CPPED1: variants seen among roughly 807,000 people sequenced by gnomAD.
CPPED1 encodes serine/threonine-protein phosphatase CPPED1.
In CPPED1, 28 loss-of-function variants were observed where a neutral mutation model predicts 28.0. That is an observed-to-expected ratio of 1.00 (90% confidence interval 0.74 to 1.37). CPPED1 has a LOEUF of 1.37. Ranked by LOEUF, CPPED1 falls within the 40% of genes most tolerant of loss-of-function variation. The probability of loss-of-function intolerance (pLI) is 0.00; values close to 1 mark genes in which losing one functional copy is unlikely to be tolerated. For missense variants in CPPED1, 504 were observed against 416.5 expected, an observed-to-expected ratio of 1.21 and a Z score of -1.83; for synonymous variants, 198 against 180.2, an observed-to-expected ratio of 1.10 and a Z score of -0.79.
At chr16:12,707,543 T>C (rs2141188964) in intron 2 of CPPED1, among the ~76,000 whole-genome samples, 1 of 152,290 alleles carries the variant, frequency 6.6e-6, no homozygotes, top group East Asian at 1.9e-4. Context: ...GAGCATCTCC[T>C]GTTCTTGATT....
chr16:12,732,475 A>AACACACACACAC (rs199927875), intron 2 of CPPED1, among the ~76,000 whole-genome samples: 3 of 142,346 alleles, frequency 2.1e-5, no homozygotes, highest in African/African-American at 5.4e-5. Context: ...CAAACACACA[A>AACACACACACAC]ACACACACAC....
At chr16:12,792,937 C>T (rs900134340) in intron 1 of CPPED1, among the ~76,000 whole-genome samples, 15 of 152,034 alleles carry the variant, frequency 9.9e-5, no homozygotes, top group African/African-American at 3.6e-4. Context: ...AGTACACTTC[C>T]CCTCCTCTTT....
At chr16:12,674,557 C>A (rs546343045) in intron 3 of CPPED1, among the ~76,000 whole-genome samples, 1 of 152,194 alleles carries the variant, frequency 6.6e-6, no homozygotes, top group South Asian at 2.1e-4. Flanking sequence ...TGAAAGGAGG[C>A]GGGGCCTGGA....
At chr16:12,748,121 C>A (rs2080302998) in intron 2 of CPPED1, among the ~76,000 whole-genome samples, 1 of 152,134 alleles carries the variant, frequency 6.6e-6, no homozygotes, top group Non-Finnish European at 1.5e-5. Flanking sequence ...GTGATTATTC[C>A]AGAATCTCTT....
chr16:12,688,244 C>T (rs2079943633), intron 3 of CPPED1, among the ~76,000 whole-genome samples: 1 of 151,618 alleles, frequency 6.6e-6, no homozygotes, highest in South Asian at 2.1e-4. Context: ...AAGCAAAGTA[C>T]TTGCACATCT....
At position 12,682,832 on chromosome 16, in the gene CPPED1, G is replaced by A. The variant is rs749351212; in HGVS notation, c.716-17717C>T. On this transcript the variant is annotated intron_variant, in intron 3 of 3. Coordinates refer to ENST00000381774, the MANE Select transcript of CPPED1 (RefSeq NM_018340.3). This position sits in a 1 kb window ranked among gnomAD's most constrained non-coding sequence, Gnocchi z 6.1. ...TTCCTCTTTATTTTTAAAAGAAGAT[G>A]GCAGCTTGCGTGTGAAATGGAGCGT... Among the ~76,000 whole-genome samples the A allele has an allele frequency of 1.3e-5, 2 of 152,062 alleles. No individual in the cohort carries two copies. The highest frequency in any genetic ancestry group is 2.4e-5 in the African/African-American group (1 of 41,430).
At chr16:12,792,721 C>T (rs991184402) in intron 1 of CPPED1, among the ~76,000 whole-genome samples, 9 of 152,154 alleles carry the variant, frequency 5.9e-5, no homozygotes, top group Non-Finnish European at 1.2e-4. Flanking sequence ...ATAAGTCTCA[C>T]GAGATCTGAT....
Position 12,704,822 on chromosome 16 carries a change from T to C in CPPED1, c.517A>G (p.Lys173Glu). 6.2e-7 allele frequency: 1 copy of C among 1,614,162 alleles called. No homozygotes were observed. Among genetic ancestry groups the C allele is most frequent in the South Asian group, 1.1e-5 (1 of 91,084 alleles). Reference sequence around the variant, plus strand: ...TGAGCCTGCTTCAGGCTGGGGCATTTGGAGGGGTTCTCGTAGAACTGGGAG... The same window carrying C: ...TGAGCCTGCTTCAGGCTGGGGCATTCGGAGGGGTTCTCGTAGAACTGGGAG... The part of the protein sequence containing the change: ...LNSQFYENPS[K>E]CPSLKQAQDQ... Residue 173 changes from lysine to glutamate, a missense_variant, in exon 3 of 4, where the codon AAA becomes GAA. By Grantham distance (56) the Lys-to-Glu change is moderately conservative. Transcript: ENST00000381774.
rs971292918 is a variant in CPPED1 at position 12,670,596 on chromosome 16, T to C, written c.716-5481A>G. Among the ~76,000 whole-genome samples the C allele has an allele frequency of 1.3e-5, 2 of 152,182 alleles. No individual in the cohort carries two copies. Among genetic ancestry groups the C allele is most frequent in the African/African-American group, 4.8e-5 (2 of 41,442 alleles). On this transcript the variant is annotated intron_variant, in intron 3 of 3. Transcript: ENST00000381774. This position sits in a 1 kb window ranked among gnomAD's most constrained non-coding sequence, Gnocchi z 4.2. ...ACATGATTAGTATGTGCTCTTGATATGAATGTGATAGAAATGGCACTTCAC... is the reference window on the plus strand; with the variant it reads ...ACATGATTAGTATGTGCTCTTGATACGAATGTGATAGAAATGGCACTTCAC...
chr16:12,715,942 G>A (rs1202004928), intron 2 of CPPED1, among the ~76,000 whole-genome samples: 1 of 152,166 alleles, frequency 6.6e-6, no homozygotes, highest in African/African-American at 2.4e-5. Context: ...AAGTGGCCCA[G>A]GGAAGCCAAA....
chr16:12,769,921 ACATAACAACG>A (rs1438341301), intron 2 of CPPED1, among the ~76,000 whole-genome samples: 9 of 152,160 alleles, frequency 5.9e-5, no homozygotes, highest in African/African-American at 2.2e-4. Context: ...AGACACTTAA[ACATAACAACG>A]CAAGGCTAAT....
intron 2 of CPPED1, among the ~76,000 whole-genome samples, chr16:12,755,095 T>C (rs931406413): frequency 6.6e-6 from 1 of 152,094 alleles, no homozygotes; most frequent in Non-Finnish European, 1.5e-5. Context: ...ATGTGGCTTA[T>C]TCAAGACTAA....
intron 2 of CPPED1, among the ~76,000 whole-genome samples, chr16:12,768,004 T>G (rs2080449169): frequency 6.6e-6 from 1 of 152,140 alleles, no homozygotes; most frequent in Non-Finnish European, 1.5e-5. Flanking sequence ...CTGTATGACT[T>G]AGTGCCCCAG....
At chr16:12,722,822 C>G (rs928432011) in intron 2 of CPPED1, among the ~76,000 whole-genome samples, 7 of 152,188 alleles carry the variant, frequency 4.6e-5, no homozygotes, top group African/African-American at 1.7e-4. Context: ...CTGGCTTTCC[C>G]ACGGACCCCA....
At chr16:12,776,231 C>T (rs969483574) in intron 2 of CPPED1, among the ~76,000 whole-genome samples, 1 of 152,084 alleles carries the variant, frequency 6.6e-6, no homozygotes, top group Non-Finnish European at 1.5e-5. Flanking sequence ...GGAGCATGAG[C>T]CAAGAAACGC....
rs187955667 is a variant in CPPED1, at chr16:12,691,507, T to C, written c.715+13117A>G. Among the ~76,000 whole-genome samples the C allele has an allele frequency of 8.5e-4, 130 of 152,258 alleles. 1 individual carries two copies. The highest frequency in any genetic ancestry group is 3.4e-3 in the Middle Eastern group (1 of 294). On this transcript the variant is annotated intron_variant, in intron 3 of 3. Transcript: ENST00000381774. ...TAAAACATGCTGCTATAAAGACACA[T>C]GCACACATATGTTTATTGCGGCATT...
At chr16:12,675,419 G>GT (rs941889087) in intron 3 of CPPED1, among the ~76,000 whole-genome samples, 5 of 152,058 alleles carry the variant, frequency 3.3e-5, no homozygotes, top group African/African-American at 4.8e-5. Flanking sequence ...AGCTTCATAT[G>GT]TTTTTTTTCT....
chr16:12,766,256 T>TATATATATATATATATAGAGAG, intron 2 of CPPED1, among the ~76,000 whole-genome samples: 11 of 134,286 alleles, frequency 8.2e-5, no homozygotes, highest in African/African-American at 3.1e-4. Context: ...TATATATATA[T>TATATATATATATATATAGAGAG]AGAGAGAGAG....
At chr16:12,717,821 T>C (rs899014253) in intron 2 of CPPED1, among the ~76,000 whole-genome samples, 1 of 152,084 alleles carries the variant, frequency 6.6e-6, no homozygotes, top group Non-Finnish European at 1.5e-5. Flanking sequence ...TTTGTACTTT[T>C]AGTAGAGGCA....
Sources: gnomAD v4.1 joint callset for allele counts (sites outside exome capture counted in the v4.1 genomes callset) on GRCh38, gnomAD v4.1.1 for gene constraint, Gnocchi (gnomAD v3.1) non-coding constraint, MANE v1.5 for transcripts, NCBI Gene and HGNC (gene_info 2026-07-23, HGNC 2026-07-21) for gene names.